The following CCDC91 variants were observed in gnomAD, a reference collection of about 807,000 sequenced individuals.
CCDC91 encodes the protein coiled-coil domain-containing protein 91.
Under a neutral mutation model 63.2 loss-of-function variants are expected in CCDC91, and 48 were observed. The observed-to-expected ratio is 0.76, with a 90% CI of 0.60 to 0.97. The LOEUF (loss-of-function observed/expected upper bound fraction) is 0.97, where lower values mean the gene tolerates loss of function less well. CCDC91 is among the 50% of genes least tolerant of loss of function. CCDC91 has a pLI of 0.00. For synonymous variants in CCDC91, 167 were observed against 165.8 expected (o/e 1.01, Z -0.06); for missense variants, 500 against 494.6 (o/e 1.01, Z -0.10).
At chr12:28,419,931 GT>G (rs774668483) in intron 8 of CCDC91, among the ~76,000 whole-genome samples, 25 of 151,672 alleles carry the variant, frequency 1.6e-4, no homozygotes, top group Non-Finnish European at 3.1e-4. Context: ...TAATTTTTGT[GT>G]TTTTTGTAGC....
chr12:28,197,728 A>G (rs529840708), intron 1 of CCDC91, among the ~76,000 whole-genome samples: 47 of 152,204 alleles, frequency 3.1e-4, no homozygotes, highest in African/African-American at 1.1e-3. Flanking sequence ...CTAACAATAA[A>G]TTTACTAAGC....
intron 7 of CCDC91, among the ~76,000 whole-genome samples, chr12:28,365,806 T>C (rs1944233619): frequency 6.6e-6 from 1 of 152,206 alleles, no homozygotes; most frequent in Non-Finnish European, 1.5e-5. Flanking sequence ...TTCACACTTT[T>C]ACCTCTCCCT....
intron 8 of CCDC91, among the ~76,000 whole-genome samples, chr12:28,441,190 G>A (rs1357787266): frequency 3.3e-5 from 5 of 151,090 alleles, no homozygotes; most frequent in Non-Finnish European, 7.4e-5. Context: ...AAACCATAAT[G>A]AGAGAGAGAC....
intron 1 of CCDC91, among the ~76,000 whole-genome samples, chr12:28,230,282 A>C (rs1184774035): frequency 6.6e-6 from 1 of 152,202 alleles, no homozygotes; most frequent in Non-Finnish European, 1.5e-5. Context: ...TATTCTGGGT[A>C]AGCAAGTTTT....
At chr12:28,501,513 T>A (rs1300952892) in intron 12 of CCDC91, among the ~76,000 whole-genome samples, 1 of 152,052 alleles carries the variant, frequency 6.6e-6, no homozygotes, top group Non-Finnish European at 1.5e-5. Flanking sequence ...TTACATTTAT[T>A]GCTTTGCGTA....
In CCDC91 at chr12:28,441,057, C is replaced by CAAAAAAAAAAAAAAAAAAAAAAA. The variant is rs60278449; in HGVS notation, c.763-9099_763-9077dup. On this transcript the variant is annotated intron_variant, in intron 8 of 12. Coordinates refer to ENST00000536442, the MANE Select transcript of CCDC91 (RefSeq NM_018318.5). ...TGGGTGACAGAGCAAGACTCCATCT[C>CAAAAAAAAAAAAAAAAAAAAAAA]AAAAAAAAAAAAAAAAAAAAAAAAA... Among the ~76,000 whole-genome samples, 28 of 52,698 alleles carry CAAAAAAAAAAAAAAAAAAAAAAA rather than the reference C, an allele frequency of 5.3e-4. 2 individuals carry two copies. Among genetic ancestry groups the CAAAAAAAAAAAAAAAAAAAAAAA allele is most frequent in the Admixed American group, 7.5e-4 (2 of 2,654 alleles). The allele number at this position is 52,698 out of a possible 152,430, so 34.6% of individuals were successfully genotyped here.
At position 28,539,065 on chromosome 12, in the gene CCDC91, C is replaced by T. The variant is rs548531461; in HGVS notation, c.1216-9998C>T. 8.9e-4 allele frequency among the ~76,000 whole-genome samples: 136 copies of T among 152,244 alleles called. 2 individuals carry two copies. In the South Asian group the frequency reaches 0.018, roughly 21 times the overall value. On this transcript the variant is annotated intron_variant, in intron 12 of 12. Transcript: ENST00000536442. ...TCTCCCATTCTGTAGGTTGCCTGTT[C>T]ACTCTGATGGTAGTTTCTTTTGCTG...
At chr12:28,242,213 C>T (rs900707814) in intron 1 of CCDC91, among the ~76,000 whole-genome samples, 11 of 152,048 alleles carry the variant, frequency 7.2e-5, no homozygotes, top group Admixed American at 5.2e-4. Context: ...ATGGGCCTTT[C>T]ACAGGATACT....
In CCDC91 at chr12:28,259,348, T is replaced by C; in HGVS notation, c.31-16T>C. ...CTTTTCACATCTTCTAAAATAATCT[T>C]GCCTTTGTCTTGTAGGCTGCGGAGA... On this transcript the variant is annotated splice_polypyrimidine_tract_variant and intron_variant, in intron 2 of 12. Transcript: ENST00000536442. The C allele has an allele frequency of 6.3e-7, 1 of 1,595,992 alleles. No individual in the cohort carries two copies. The highest frequency in any genetic ancestry group is 8.6e-7 in the Non-Finnish European group (1 of 1,164,346).
chr12:28,545,464 T>C (rs532372776), intron 12 of CCDC91, among the ~76,000 whole-genome samples: 5 of 152,246 alleles, frequency 3.3e-5, no homozygotes, highest in East Asian at 3.9e-4. Context: ...CCATGATCTA[T>C]GTACTATGCC....
At chr12:28,479,777 A>C (rs1951341214) in intron 11 of CCDC91, among the ~76,000 whole-genome samples, 1 of 152,042 alleles carries the variant, frequency 6.6e-6, no homozygotes, top group Non-Finnish European at 1.5e-5. Flanking sequence ...GGAAATGAAA[A>C]TGTGTCTATC....
chr12:28,536,562 A>G (rs1278443064), intron 12 of CCDC91, among the ~76,000 whole-genome samples: 1 of 152,192 alleles, frequency 6.6e-6, no homozygotes, highest in Non-Finnish European at 1.5e-5. Context: ...GTACATTTAG[A>G]CAAGTACTTT....
chr12:28,459,916 T>C (rs1240019870), intron 11 of CCDC91, among the ~76,000 whole-genome samples: 1 of 152,186 alleles, frequency 6.6e-6, no homozygotes. Context: ...TCAGCATCTA[T>C]TCCTCTGTTC....
chr12:28,463,292 A>G (rs1037060594), intron 11 of CCDC91, among the ~76,000 whole-genome samples: 1 of 152,232 alleles, frequency 6.6e-6, no homozygotes, highest in African/African-American at 2.4e-5. Context: ...GGACAGTATT[A>G]TAAAACAGAG....
intron 11 of CCDC91, among the ~76,000 whole-genome samples, chr12:28,481,747 TTAAC>T (rs1313780262): frequency 6.6e-6 from 1 of 152,084 alleles, no homozygotes; most frequent in East Asian, 1.9e-4. Flanking sequence ...TGACTGTCAG[TTAAC>T]TCCCAACTGG....
chr12:28,222,628 T>C (rs1371078638), intron 1 of CCDC91, among the ~76,000 whole-genome samples: 1 of 152,214 alleles, frequency 6.6e-6, no homozygotes, highest in Non-Finnish European at 1.5e-5. Flanking sequence ...GAATGAATTT[T>C]GGTGTACAAA....
chr12:28,348,438 G>A (rs1942962828), intron 6 of CCDC91, among the ~76,000 whole-genome samples: 1 of 152,150 alleles, frequency 6.6e-6, no homozygotes, highest in Non-Finnish European at 1.5e-5. Flanking sequence ...CCACCCCAAG[G>A]CAGCACACAG....
chr12:28,483,391 C>T (rs1951548488), intron 11 of CCDC91, among the ~76,000 whole-genome samples: 1 of 152,084 alleles, frequency 6.6e-6, no homozygotes, highest in African/African-American at 2.4e-5. Context: ...AATATCATGA[C>T]TTCCTGAGAA....
At chr12:28,227,799 C>G (rs945019328) in intron 1 of CCDC91, among the ~76,000 whole-genome samples, 1 of 152,036 alleles carries the variant, frequency 6.6e-6, no homozygotes, top group African/African-American at 2.4e-5. Context: ...ATGCATGTCA[C>G]TTATTCAAAA....
Sources: allele counts gnomAD v4.1 joint callset (sites outside exome capture counted in the v4.1 genomes callset), GRCh38; gene constraint gnomAD v4.1.1; transcripts MANE v1.5; gene names NCBI Gene and HGNC (gene_info 2026-07-23, HGNC 2026-07-21).